Variants in TNFAIP6 observed in about 807,000 individuals in gnomAD.
TNFAIP6 encodes TNF alpha induced protein 6.
Under a neutral mutation model 33.7 loss-of-function variants are expected in TNFAIP6, and 36 were observed. The observed-to-expected ratio is 1.07, with a 90% confidence interval of 0.82 to 1.41. The LOEUF is 1.41. TNFAIP6 is among the 40% of genes most tolerant of loss of function. TNFAIP6 has a pLI of 0.00. For synonymous variants in TNFAIP6, 113 were observed against 112.8 expected, an observed-to-expected ratio of 1.00 and a Z score of -0.01; for missense variants, 273 against 331.9, an observed-to-expected ratio of 0.82 and a Z score of 1.38.
rs1246372781 is a variant in TNFAIP6, at chr2:151,357,632, C to T, written c.-35C>T. ...ACTGCTCTGAGAATTTGTGAGCAGC[C>T]CCTAACAGGCTGTTACTTCACTACA... On this transcript the variant is annotated 5_prime_UTR_variant, in exon 1 of 6. Coordinates refer to ENST00000243347, the MANE Select transcript of TNFAIP6 (RefSeq NM_007115.4). 6.8e-6 allele frequency: 9 copies of T among 1,318,624 alleles called. No individual in the cohort carries two copies. Among genetic ancestry groups the T allele is most frequent in the Non-Finnish European group, 8.8e-6 (8 of 911,580 alleles). The allele number at this position is 1,318,624 out of a possible 1,614,324, so 81.7% of individuals were successfully genotyped here.
intron 5 of TNFAIP6, among the ~76,000 whole-genome samples, chr2:151,378,552 A>T (rs914916974): frequency 1.1e-4 from 17 of 151,134 alleles, no homozygotes; most frequent in Non-Finnish European, 2.2e-4. Context: ...GCAATGGCAG[A>T]ATCTTGGCTC....
chr2:151,380,799 G>T (rs566471090), downstream of TNFAIP6, among the ~76,000 whole-genome samples: 71 of 152,228 alleles, frequency 4.7e-4, no homozygotes, highest in Admixed American at 2.5e-3. Flanking sequence ...CTAATTTCGG[G>T]TTGGTGGTGT....
intron 1 of TNFAIP6, among the ~76,000 whole-genome samples, chr2:151,358,706 G>T (rs930905743): frequency 4.6e-5 from 7 of 152,154 alleles, no homozygotes; most frequent in Admixed American, 3.9e-4. Flanking sequence ...CTTTCAGCAT[G>T]TTTCTCTCTG....
At chr2:151,375,856 T>C (rs760955736) in intron 5 of TNFAIP6, among the ~76,000 whole-genome samples, 4 of 152,232 alleles carry the variant, frequency 2.6e-5, no homozygotes, top group Non-Finnish European at 4.4e-5. Flanking sequence ...CTCGTGCCTA[T>C]AATCCTAGCA....
At chr2:151,374,094 T>C (rs1684860508) in intron 5 of TNFAIP6, among the ~76,000 whole-genome samples, 1 of 152,196 alleles carries the variant, frequency 6.6e-6, no homozygotes, top group Non-Finnish European at 1.5e-5. Context: ...TAAGGTCAAA[T>C]AAATTTGGAA....
chr2:151,370,940 A>C (rs1484658781), intron 4 of TNFAIP6, among the ~76,000 whole-genome samples: 2 of 151,966 alleles, frequency 1.3e-5, no homozygotes, highest in African/African-American at 4.8e-5. Flanking sequence ...GCGTGGTGGC[A>C]GGCGCCTGTA....
At chr2:151,372,818 C>A (rs1573784846) in intron 4 of TNFAIP6, among the ~76,000 whole-genome samples, 1 of 151,766 alleles carries the variant, frequency 6.6e-6, no homozygotes, top group Admixed American at 6.6e-5. Context: ...TACTCGGGAG[C>A]CTGAGGCAGG....
At chr2:151,362,529 C>T (rs1485927558) in intron 1 of TNFAIP6, among the ~76,000 whole-genome samples, 7 of 107,206 alleles carry the variant, frequency 6.5e-5, no homozygotes, top group African/African-American at 2.7e-4. Context: ...GTCTCACTGT[C>T]GCCCAGGCTG....
In TNFAIP6 at chr2:151,366,187, A is replaced by G; in HGVS notation, c.364A>G (p.Arg122Gly). 1 of 1,614,202 alleles carries G rather than the reference A, an allele frequency of 6.2e-7. No homozygotes were observed. Among genetic ancestry groups the G allele is most frequent in the East Asian group, 2.2e-5 (1 of 44,886 alleles). The change falls in exon 3 of 6, where the codon AGA (arginine) becomes GGA (glycine). Residue 122 changes from arginine (R) to glycine (G), a missense_variant. By Grantham distance (125) the Arg-to-Gly change is moderately radical. Coordinates refer to ENST00000243347, the MANE Select transcript of TNFAIP6 (RefSeq NM_007115.4). ...TGGAATCCGTCTCAATAGGAGTGAA[A>G]GATGGGATGCCTATTGCTACAACCC... ...DYGIRLNRSE[R>G]WDAYCYNPHA...
chr2:151,376,278 C>T (rs898547519), intron 5 of TNFAIP6, among the ~76,000 whole-genome samples: 1 of 151,814 alleles, frequency 6.6e-6, no homozygotes, highest in African/African-American at 2.4e-5. Flanking sequence ...GTTAGCCAGG[C>T]ATCCTGATGC....
chr2:151,361,681 A>C (rs1308232696), intron 1 of TNFAIP6, among the ~76,000 whole-genome samples: 3 of 152,132 alleles, frequency 2.0e-5, no homozygotes, highest in Non-Finnish European at 4.4e-5. Flanking sequence ...TTCCTTGAGG[A>C]TAGAACCTGA....
At chr2:151,380,948 T>C (rs552270524), downstream of TNFAIP6, among the ~76,000 whole-genome samples, 101 of 152,342 alleles carry the variant, frequency 6.6e-4, no homozygotes, top group African/African-American at 2.3e-3. Context: ...TGTATTCATC[T>C]ATATTTTATT....
chr2:151,357,650 T>C lies in TNFAIP6; in HGVS notation c.-17T>C, dbSNP rs1363908896. 6.5e-7 allele frequency: 1 copy of C among 1,543,810 alleles called. No homozygotes were observed. Among genetic ancestry groups the C allele is most frequent in the African/African-American group, 1.4e-5 (1 of 73,606 alleles). ...GAGCAGCCCCTAACAGGCTGTTACT[T>C]CACTACAACTGACGATATGATCATC... On this transcript the variant is annotated 5_prime_UTR_variant, in exon 1 of 6. Transcript: ENST00000243347.
intron 1 of TNFAIP6, among the ~76,000 whole-genome samples, chr2:151,359,901 A>T (rs1417110454): frequency 6.6e-6 from 1 of 152,230 alleles, no homozygotes; most frequent in Non-Finnish European, 1.5e-5. Flanking sequence ...AAACAAAAAC[A>T]AACCACAGTT....
intron 5 of TNFAIP6, among the ~76,000 whole-genome samples, chr2:151,377,256 G>A (rs549287800): frequency 3.3e-5 from 5 of 151,376 alleles, no homozygotes; most frequent in South Asian, 4.2e-4. Flanking sequence ...TGCAAGCTCC[G>A]CCTCCCGGGT....
intron 1 of TNFAIP6, among the ~76,000 whole-genome samples, chr2:151,361,612 AG>A (rs1241573351): frequency 6.6e-6 from 1 of 152,174 alleles, no homozygotes; most frequent in East Asian, 1.9e-4. Context: ...CTCTACCAAA[AG>A]CTTTAGTGTT....
chr2:151,374,232 C>T (rs1684865210), intron 5 of TNFAIP6, among the ~76,000 whole-genome samples: 1 of 151,896 alleles, frequency 6.6e-6, no homozygotes. Context: ...CAAATATTGC[C>T]CACCCCCCCA....
intron 4 of TNFAIP6, 84 bp from the exon 5 acceptor site, chr2:151,373,465 A>C (rs1684849764): frequency 1.5e-6 from 1 of 650,802 alleles, no homozygotes; most frequent in African/African-American, 1.9e-5. Context: ...TATTACTTAG[A>C]GGCTTAATTA....
chr2:151,371,493 T>G (rs982325805), intron 4 of TNFAIP6, among the ~76,000 whole-genome samples: 1 of 152,232 alleles, frequency 6.6e-6, no homozygotes, highest in Non-Finnish European at 1.5e-5. Flanking sequence ...GAATGTGTAA[T>G]TTAAATACAA....
Sources: gnomAD v4.1 joint callset for allele counts (sites outside exome capture counted in the v4.1 genomes callset) on GRCh38, gnomAD v4.1.1 for gene constraint, MANE v1.5 for transcripts, NCBI Gene and HGNC (gene_info 2026-07-23, HGNC 2026-07-21) for gene names.